ASF1B: variants seen among roughly 807,000 people sequenced by gnomAD.
ASF1B encodes histone chaperone ASF1B.
A neutral mutation model predicts 16.6 loss-of-function variants in ASF1B; 10 were observed. That is an observed-to-expected ratio of 0.60 (90% CI 0.37 to 1.02). The LOEUF is 1.02. ASF1B is among the 50% of genes least tolerant of loss of function. ASF1B has a pLI of 0.01. For missense variants in ASF1B, 240 were observed against 266.0 expected (o/e 0.90, Z 0.68); for synonymous variants, 101 against 106.2 (o/e 0.95, Z 0.30).
At position 14,136,563 on chromosome 19, in the gene ASF1B, G is replaced by A. The variant is rs575102515; in HGVS notation, c.-107C>T. 13 of 830,932 alleles carry A rather than the reference G, an allele frequency of 1.6e-5. No individual in the cohort carries two copies. The highest frequency in any genetic ancestry group is 2.0e-5 in the Non-Finnish European group (11 of 541,932). The allele number at this position is 830,932 out of a possible 1,614,324, so 51.5% of individuals were successfully genotyped here. A position where few individuals can be genotyped will look rare whatever the true frequency, so the allele number is the denominator to read the frequency against. ...GGTAGGGCTGACCAGGTCCACTCCC[G>A]CCTCTTCTCTCCGAGAACTGAAGTG... On this transcript the variant is annotated 5_prime_UTR_variant, in exon 1 of 4. Transcript: ENST00000263382.
chr19:14,126,084 G>T (rs754982565), intron 2 of ASF1B, 38 bp downstream of exon 2: 105 of 1,447,780 alleles, frequency 7.3e-5, no homozygotes, highest in Non-Finnish European at 9.7e-5. Context: ...ATGTTTCTAG[G>T]AATCAAGGGC....
In ASF1B at chr19:14,120,451, T is replaced by C; in HGVS notation, c.*8A>G. On this transcript the variant is annotated 3_prime_UTR_variant, in exon 4 of 4. Coordinates refer to ENST00000263382, the MANE Select transcript of ASF1B (RefSeq NM_018154.3). ...CCCGGCGTGCTGGGACACTCTGGGT[T>C]CCTGCAGTTAGATGCAGTCCATGGA... is the stretch of plus-strand genomic sequence containing the variant. 6.2e-7 allele frequency: 1 copy of C among 1,612,270 alleles called. No homozygotes were observed. Among genetic ancestry groups the C allele is most frequent in the Non-Finnish European group, 8.5e-7 (1 of 1,179,242 alleles).
intron 1 of ASF1B, among the ~76,000 whole-genome samples, chr19:14,129,695 A>G (rs1967370329): frequency 6.7e-6 from 1 of 148,334 alleles, no homozygotes; most frequent in Non-Finnish European, 1.5e-5. Flanking sequence ...AAAAAAAAAA[A>G]AAAAAAAAAA....
chr19:14,132,825 A>AATC (rs998008776), intron 1 of ASF1B, among the ~76,000 whole-genome samples: 73 of 151,774 alleles, frequency 4.8e-4, no homozygotes, highest in African/African-American at 1.3e-3. Flanking sequence ...TTCTAATAAT[A>AATC]ATCATCATCA....
chr19:14,125,790 C>G (rs1967308511), intron 2 of ASF1B, among the ~76,000 whole-genome samples: 2 of 152,164 alleles, frequency 1.3e-5, no homozygotes, highest in South Asian at 2.1e-4. Flanking sequence ...TGGCCTCAAG[C>G]AATCCTCCCA....
intron 1 of ASF1B, among the ~76,000 whole-genome samples, chr19:14,133,948 C>A (rs1046475745): frequency 6.6e-6 from 1 of 151,648 alleles, no homozygotes; most frequent in African/African-American, 2.4e-5. Context: ...GGACTACAGG[C>A]GCCCGCCACC....
intron 1 of ASF1B, among the ~76,000 whole-genome samples, chr19:14,130,808 T>TAA (rs1273541367): frequency 6.6e-6 from 1 of 150,604 alleles, no homozygotes; most frequent in East Asian, 1.9e-4. Flanking sequence ...TATATATATA[T>TAA]ATAAATGATA....
chr19:14,122,248 G>A (rs1389406096), intron 2 of ASF1B, among the ~76,000 whole-genome samples: 1 of 151,760 alleles, frequency 6.6e-6, no homozygotes, highest in Non-Finnish European at 1.5e-5. Context: ...TGTATTTTTA[G>A]TACAGACGGG....
chr19:14,134,469 C>G (rs893438604), intron 1 of ASF1B, among the ~76,000 whole-genome samples: 2 of 152,016 alleles, frequency 1.3e-5, no homozygotes, highest in Non-Finnish European at 2.9e-5. Flanking sequence ...TACCTGCCCC[C>G]GAGAGGCACT....
intron 2 of ASF1B, among the ~76,000 whole-genome samples, chr19:14,123,573 G>C (rs531966797): frequency 1.3e-5 from 2 of 151,508 alleles, no homozygotes; most frequent in Non-Finnish European, 2.9e-5. Flanking sequence ...GTAGAGATGG[G>C]GCTTCACCAT....
At chr19:14,130,510 A>G (rs1967385540) in intron 1 of ASF1B, among the ~76,000 whole-genome samples, 1 of 151,996 alleles carries the variant, frequency 6.6e-6, no homozygotes, top group African/African-American at 2.4e-5. Context: ...CTCTTTAAAA[A>G]AAAAAAAAAA....
rs750532457 is a variant in ASF1B at position 14,136,489 on chromosome 19, G to GGGCTGT, written c.-39_-34dup. ...CCTCGCCGCGCCGCAGCAGGGGCAG[G>GGGCTGT]GGCTGTGGCTGTGGCGGAGGCCGCG... is the stretch of plus-strand genomic sequence containing the variant. On this transcript the variant is annotated 5_prime_UTR_variant, in exon 1 of 4. Transcript: ENST00000263382. 4 of 1,598,372 alleles carry GGGCTGT rather than the reference G, an allele frequency of 2.5e-6. No homozygotes were observed. The highest frequency in any genetic ancestry group is 3.4e-5 in the Admixed American group (2 of 58,998).
At chr19:14,129,831 G>A (rs1967374523) in intron 1 of ASF1B, among the ~76,000 whole-genome samples, 1 of 150,950 alleles carries the variant, frequency 6.6e-6, no homozygotes, top group Non-Finnish European at 1.5e-5. Context: ...TGGATTGCTT[G>A]AGCTCAGAAG....
intron 1 of ASF1B, among the ~76,000 whole-genome samples, chr19:14,129,072 A>G (rs757135213): frequency 1.3e-5 from 2 of 152,142 alleles, no homozygotes; most frequent in African/African-American, 2.4e-5. Context: ...CCTGCAACAT[A>G]GGCAGACTCG....
chr19:14,128,458 AC>A (rs1292546962), intron 1 of ASF1B, among the ~76,000 whole-genome samples: 17 of 152,174 alleles, frequency 1.1e-4, no homozygotes, highest in Middle Eastern at 3.4e-3. Flanking sequence ...CTAGCCTCTT[AC>A]TATTTGCAGG....
chr19:14,128,948 G>C (rs1161441451), intron 1 of ASF1B, among the ~76,000 whole-genome samples: 1 of 152,180 alleles, frequency 6.6e-6, no homozygotes, highest in Non-Finnish European at 1.5e-5. Flanking sequence ...TGGGAAGGTA[G>C]ACAAAAAAGA....
intron 1 of ASF1B, among the ~76,000 whole-genome samples, chr19:14,133,781 T>C: frequency 6.7e-6 from 1 of 149,520 alleles, no homozygotes; most frequent in Non-Finnish European, 1.5e-5. Flanking sequence ...AAGTACCAGA[T>C]AATGACCGCA....
Position 14,132,572 on chromosome 19 carries a change from C to T in ASF1B, c.109+3776G>A, listed in dbSNP as rs376456893. On this transcript the variant is annotated intron_variant, in intron 1 of 3. Coordinates refer to ENST00000263382, the MANE Select transcript of ASF1B (RefSeq NM_018154.3). ...CTTAGGATTCAAAGTGTAATCCCAG[C>T]ACTTTGGGAGGCTGAAGTGGGCATA... is the stretch of plus-strand genomic sequence containing the variant. 3.3e-5 allele frequency among the ~76,000 whole-genome samples: 5 copies of T among 152,286 alleles called. No homozygotes were observed. The South Asian group carries it at 1.0e-3, about 32-fold the overall frequency.
chr19:14,122,056 G>A (rs901754249), intron 2 of ASF1B, among the ~76,000 whole-genome samples: 7 of 150,874 alleles, frequency 4.6e-5, no homozygotes, highest in Admixed American at 2.0e-4. Context: ...TCAGCCTCCC[G>A]AGTAGCTGGG....
Sources: gnomAD v4.1 joint callset for allele counts (sites outside exome capture counted in the v4.1 genomes callset) on GRCh38, gnomAD v4.1.1 for gene constraint, MANE v1.5 for transcripts, NCBI Gene and HGNC (gene_info 2026-07-23, HGNC 2026-07-21) for gene names.